GPC6: variants seen among roughly 807,000 people sequenced by gnomAD.
The protein encoded by GPC6 is glypican 6.
A neutral mutation model predicts 55.2 loss-of-function variants in GPC6; 14 were observed. The ratio of observed to expected loss-of-function variants is 0.25; its 90% confidence interval spans 0.17 to 0.40. The LOEUF (loss-of-function observed/expected upper bound fraction) is 0.40. GPC6 is among the 10% of genes least tolerant of loss of function. The probability of loss-of-function intolerance (pLI) is 1.00; values close to 1 mark genes in which losing one functional copy is unlikely to be tolerated. For synonymous variants in GPC6, 278 were observed against 259.6 expected, an observed-to-expected ratio of 1.07 and a Z score of -0.68; for missense variants, 641 against 708.5, an observed-to-expected ratio of 0.90 and a Z score of 1.08.
At chr13:93,302,495 T>C (rs962851612) in intron 1 of GPC6, among the ~76,000 whole-genome samples, 26 of 152,304 alleles carry the variant, frequency 1.7e-4, no homozygotes, top group African/African-American at 5.8e-4. Flanking sequence ...AATAATGAAA[T>C]GTTGGCATTG....
chr13:94,230,429 A>G (rs1310208455), intron 4 of GPC6, among the ~76,000 whole-genome samples: 4 of 152,054 alleles, frequency 2.6e-5, no homozygotes, highest in African/African-American at 9.7e-5. Context: ...CCTCCCCACC[A>G]TTGGTGTTAA....
chr13:93,245,326 A>G (rs775138857), intron 1 of GPC6, among the ~76,000 whole-genome samples: 5 of 152,216 alleles, frequency 3.3e-5, no homozygotes, highest in Non-Finnish European at 5.9e-5. Flanking sequence ...GAAAGGGCAC[A>G]GTCCTTCCTT....
intron 2 of GPC6, among the ~76,000 whole-genome samples, chr13:93,722,978 T>C (rs1883502678): frequency 6.6e-6 from 1 of 151,936 alleles, no homozygotes; most frequent in Admixed American, 6.6e-5. Flanking sequence ...ACTGTGTCTG[T>C]GAAGACCTTA....
At chr13:93,851,352 A>G (rs995994720) in intron 3 of GPC6, among the ~76,000 whole-genome samples, 1 of 151,950 alleles carries the variant, frequency 6.6e-6, no homozygotes, top group Admixed American at 6.6e-5. Context: ...CTCCTAAGGA[A>G]ATGGTGTTTG....
intron 1 of GPC6, among the ~76,000 whole-genome samples, chr13:93,541,043 A>C (rs1882275107): frequency 6.6e-6 from 1 of 150,994 alleles, no homozygotes; most frequent in South Asian, 2.1e-4. Flanking sequence ...TTATTATTAT[A>C]CTTTAAGTTT....
chr13:93,713,382 A>G (rs1405149082), intron 2 of GPC6, among the ~76,000 whole-genome samples: 1 of 151,832 alleles, frequency 6.6e-6, no homozygotes, highest in Middle Eastern at 3.4e-3. Flanking sequence ...TAAAAAGCCA[A>G]TAAAATAGAC....
At chr13:93,983,822 A>G (rs769522519) in intron 3 of GPC6, among the ~76,000 whole-genome samples, 2 of 151,302 alleles carry the variant, frequency 1.3e-5, no homozygotes, top group Non-Finnish European at 2.9e-5. Flanking sequence ...CAAGGAAGAT[A>G]GTCCCAAAGA....
intron 3 of GPC6, among the ~76,000 whole-genome samples, chr13:93,903,171 G>T (rs1876459187): frequency 6.6e-6 from 1 of 152,074 alleles, no homozygotes; most frequent in African/African-American, 2.4e-5. Flanking sequence ...GGTTTTTTTG[G>T]ATACAGACCC....
At chr13:93,362,316 C>A (rs1302028135) in intron 1 of GPC6, among the ~76,000 whole-genome samples, 6 of 152,090 alleles carry the variant, frequency 3.9e-5, no homozygotes, top group South Asian at 2.1e-4. Context: ...CTGAATGTAA[C>A]CCTTTGCTTT....
In GPC6 at chr13:93,447,383, A is replaced by C. The variant is rs79316753; in HGVS notation, c.161-97880A>C. Among the ~76,000 whole-genome samples, 1,376 of 152,278 alleles carry C rather than the reference A, an allele frequency of 9.0e-3. 23 individuals carry two copies. The highest frequency in any genetic ancestry group is 0.031 in the African/African-American group (1,295 of 41,546). On this transcript the variant is annotated intron_variant, in intron 1 of 8. Coordinates refer to ENST00000377047, the MANE Select transcript of GPC6 (RefSeq NM_005708.5). ...CCTTTTTTTTCTGATTTTGCCCATC[A>C]TCAGCATGTGCACAGAAGTTTTTTA...
intron 3 of GPC6, among the ~76,000 whole-genome samples, chr13:94,002,585 G>A (rs1415301869): frequency 6.6e-6 from 1 of 152,000 alleles, no homozygotes; most frequent in East Asian, 1.9e-4. Flanking sequence ...TTAAAGTAGG[G>A]ATGTAAAAGC....
At chr13:94,341,137 T>A (rs1198978981) in intron 6 of GPC6, among the ~76,000 whole-genome samples, 1 of 152,254 alleles carries the variant, frequency 6.6e-6, no homozygotes, top group African/African-American at 2.4e-5. Flanking sequence ...ATTGACTTCC[T>A]TCTAGGCACT....
At chr13:93,226,238 T>C (rs940117258), upstream of GPC6, among the ~76,000 whole-genome samples, 1 of 152,164 alleles carries the variant, frequency 6.6e-6, no homozygotes, top group African/African-American at 2.4e-5. Context: ...GTTGCTTCTG[T>C]GGTCTGGTTG....
chr13:94,189,392 G>A (rs1277200638), intron 4 of GPC6, among the ~76,000 whole-genome samples: 1 of 152,078 alleles, frequency 6.6e-6, no homozygotes, highest in Admixed American at 6.5e-5. Flanking sequence ...TTTCAAGCCT[G>A]GAAAGAGAAC....
At chr13:93,275,316 C>A (rs1290419326) in intron 1 of GPC6, among the ~76,000 whole-genome samples, 1 of 152,012 alleles carries the variant, frequency 6.6e-6, no homozygotes, top group Non-Finnish European at 1.5e-5. Flanking sequence ...ACATGTGCAA[C>A]ATGTACAAAA....
chr13:94,025,274 C>A (rs771900598), intron 3 of GPC6, among the ~76,000 whole-genome samples: 1 of 152,184 alleles, frequency 6.6e-6, no homozygotes, highest in East Asian at 1.9e-4. Flanking sequence ...AAAATAAAAT[C>A]CTGTGGTAAA....
intron 1 of GPC6, among the ~76,000 whole-genome samples, chr13:93,437,038 G>T (rs1877599479): frequency 6.6e-6 from 1 of 151,748 alleles, no homozygotes; most frequent in Non-Finnish European, 1.5e-5. Context: ...TTCGTTATCA[G>T]TATCTGTTTT....
intron 4 of GPC6, among the ~76,000 whole-genome samples, chr13:94,284,417 C>A (rs892468976): frequency 1.5e-4 from 23 of 151,358 alleles, no homozygotes; most frequent in African/African-American, 5.1e-4. Flanking sequence ...AAATGGGGAA[C>A]TGGGGATGGG....
chr13:93,389,874 CA>C (rs1875549388), intron 1 of GPC6, among the ~76,000 whole-genome samples: 1 of 152,058 alleles, frequency 6.6e-6, no homozygotes, highest in African/African-American at 2.4e-5. Context: ...CATTGACTGC[CA>C]AAAAATAAGA....
Sources: allele counts gnomAD v4.1 joint callset (sites outside exome capture counted in the v4.1 genomes callset), GRCh38; gene constraint gnomAD v4.1.1; transcripts MANE v1.5; gene names NCBI Gene and HGNC (gene_info 2026-07-23, HGNC 2026-07-21).